The following ILRUN variants were observed in gnomAD, a reference collection of about 807,000 sequenced individuals.
ILRUN encodes the protein protein ILRUN.
In ILRUN, 3 loss-of-function variants were observed where a neutral mutation model predicts 33.8. That is an observed-to-expected ratio of 0.09 (90% CI 0.04 to 0.23). ILRUN has a LOEUF of 0.23. Ranked by LOEUF, ILRUN falls within the 10% of genes least tolerant of loss-of-function variation. The pLI, the probability that ILRUN is intolerant of heterozygous loss-of-function variation, is 1.00. For synonymous variants in ILRUN, 124 were observed against 138.9 expected, an observed-to-expected ratio of 0.89 and a Z score of 0.75; for missense variants, 210 against 375.1, an observed-to-expected ratio of 0.56 and a Z score of 3.64.
At position 34,696,696 on chromosome 6, in the gene ILRUN, C is replaced by A; in HGVS notation, c.-93G>T. ...GGACCTGGAGGGGGGCCGCTGCTAG[C>A]TAGCTTCGCGACCCCGCTCCTTTGA... is the stretch of plus-strand genomic sequence containing the variant. On this transcript the variant is annotated 5_prime_UTR_variant, in exon 1 of 5. Coordinates refer to ENST00000374023, the MANE Select transcript of ILRUN (RefSeq NM_024294.4). 2 of 1,414,816 alleles carry A rather than the reference C, an allele frequency of 1.4e-6. No homozygotes were observed. The highest frequency in any genetic ancestry group is 1.9e-6 in the Non-Finnish European group (2 of 1,044,816). The allele number at this position is 1,414,816 out of a possible 1,614,324, so 87.6% of individuals were successfully genotyped here. A position where few individuals can be genotyped will look rare whatever the true frequency, so the allele number is the denominator to read the frequency against.
chr6:34,596,483 T>C (rs1360548633), intron 4 of ILRUN, among the ~76,000 whole-genome samples: 1 of 152,144 alleles, frequency 6.6e-6, no homozygotes, highest in Non-Finnish European at 1.5e-5. Context: ...CAGGTAGTTT[T>C]TGTATTTTTA....
intron 3 of ILRUN, among the ~76,000 whole-genome samples, chr6:34,635,105 G>GCC (rs1762331000): frequency 6.6e-6 from 1 of 152,082 alleles, no homozygotes; most frequent in Non-Finnish European, 1.5e-5. Flanking sequence ...AATCACTTCT[G>GCC]ATTTCTAAAT....
At position 34,654,749 on chromosome 6, in the gene ILRUN, A is replaced by G. The variant is rs768253995; in HGVS notation, c.189T>C (p.Tyr63=). The G allele has an allele frequency of 4.3e-6, 7 of 1,613,872 alleles. No homozygotes were observed. The highest frequency in any genetic ancestry group is 1.6e-4 in the Middle Eastern group (1 of 6,062). The change falls in exon 2 of 5, where the codon TAT becomes TAC. Residue 63 remains tyrosine (Y), a synonymous_variant. Coordinates refer to ENST00000374023, the MANE Select transcript of ILRUN (RefSeq NM_024294.4). ...WNLQAAIGAY[Y]DFESPNISVP... is the part of the protein sequence containing the mutation. ...CACTGATGTTTGGGCTCTCAAAGTC[A>G]TAATAGGCGCCAATTGCTGCTTGTA...
chr6:34,679,869 C>G (rs1763323328), intron 1 of ILRUN, among the ~76,000 whole-genome samples: 1 of 152,218 alleles, frequency 6.6e-6, no homozygotes. Context: ...GATACAGCTA[C>G]AAGCCAAGGA....
At chr6:34,593,876 C>T (rs1761343257) in intron 4 of ILRUN, among the ~76,000 whole-genome samples, 2 of 152,090 alleles carry the variant, frequency 1.3e-5, no homozygotes, top group African/African-American at 4.8e-5. Flanking sequence ...AGAGGAAAAG[C>T]CTGGCAGAGA....
chr6:34,620,731 A>T (rs531617934), intron 3 of ILRUN, among the ~76,000 whole-genome samples: 5 of 152,302 alleles, frequency 3.3e-5, no homozygotes, highest in African/African-American at 1.2e-4. Context: ...CAGGAGGCTG[A>T]GGTGGGAGGA....
rs930157028 is a variant in ILRUN, at chr6:34,588,564, A to C, written c.*2001T>G. 1 of 224,238 alleles carries C rather than the reference A, an allele frequency of 4.5e-6. No homozygotes were observed. The highest frequency in any genetic ancestry group is 8.7e-6 in the Non-Finnish European group (1 of 115,348). The allele number at this position is 224,238 out of a possible 1,614,324, so 13.9% of individuals were successfully genotyped here. ...GCAGTCTGGGCCTAATGAGGCCCTC[A>C]GACAAAAAGCCATCCTGAGGCCTGT... is the stretch of plus-strand genomic sequence containing the variant. On this transcript the variant is annotated 3_prime_UTR_variant, in exon 5 of 5. Transcript: ENST00000374023.
At chr6:34,612,670 G>C (rs1385258863) in intron 3 of ILRUN, among the ~76,000 whole-genome samples, 1 of 152,112 alleles carries the variant, frequency 6.6e-6, no homozygotes, top group Non-Finnish European at 1.5e-5. Flanking sequence ...ACTTTGGGAG[G>C]CCAAAGCAGG....
chr6:34,624,770 G>A (rs549084712), intron 3 of ILRUN, among the ~76,000 whole-genome samples: 1 of 152,088 alleles, frequency 6.6e-6, no homozygotes, highest in Non-Finnish European at 1.5e-5. Context: ...TAAGATATAC[G>A]CCTCATTGGT....
intron 4 of ILRUN, among the ~76,000 whole-genome samples, chr6:34,594,644 C>A (rs771544686): frequency 6.6e-6 from 1 of 152,138 alleles, no homozygotes; most frequent in Non-Finnish European, 1.5e-5. Flanking sequence ...TAGGTATGAG[C>A]GTGGGGACCT....
chr6:34,621,984 C>A (rs1174327516), intron 3 of ILRUN, among the ~76,000 whole-genome samples: 2 of 152,160 alleles, frequency 1.3e-5, no homozygotes, highest in African/African-American at 4.8e-5. Context: ...GGTGCCAAAA[C>A]AATTCAATGG....
At chr6:34,659,674 TGC>T in intron 1 of ILRUN, among the ~76,000 whole-genome samples, 1 of 136,328 alleles carries the variant, frequency 7.3e-6, no homozygotes, top group South Asian at 2.3e-4. Flanking sequence ...CAGGCTGGAG[TGC>T]AGTGGTGCTA....
At chr6:34,671,021 A>G (rs1763107514) in intron 1 of ILRUN, among the ~76,000 whole-genome samples, 1 of 152,208 alleles carries the variant, frequency 6.6e-6, no homozygotes, top group African/African-American at 2.4e-5. Flanking sequence ...CTTTCATCCA[A>G]GGATTTGATT....
intron 1 of ILRUN, among the ~76,000 whole-genome samples, chr6:34,690,747 A>G (rs1244273169): frequency 6.6e-6 from 1 of 150,942 alleles, no homozygotes; most frequent in African/African-American, 2.4e-5. Flanking sequence ...AAGGAGGACA[A>G]ACACAAACGA....
intron 3 of ILRUN, among the ~76,000 whole-genome samples, chr6:34,618,712 C>T (rs756826474): frequency 4.6e-5 from 7 of 152,144 alleles, no homozygotes; most frequent in Non-Finnish European, 8.8e-5. Flanking sequence ...CCCCTCATTC[C>T]AGCTCATAGA....
At chr6:34,687,380 C>T (rs983108077) in intron 1 of ILRUN, among the ~76,000 whole-genome samples, 11 of 152,112 alleles carry the variant, frequency 7.2e-5, no homozygotes, top group African/African-American at 2.7e-4. Context: ...TCCATACCCA[C>T]TAAGATGGCT....
intron 1 of ILRUN, among the ~76,000 whole-genome samples, chr6:34,656,120 C>CA (rs1298034793): frequency 6.6e-6 from 1 of 151,426 alleles, no homozygotes; most frequent in African/African-American, 2.4e-5. Flanking sequence ...CCTGTAATCC[C>CA]AGCTACTCGG....
chr6:34,624,634 A>G (rs1762078510), intron 3 of ILRUN, among the ~76,000 whole-genome samples: 1 of 152,078 alleles, frequency 6.6e-6, no homozygotes, highest in South Asian at 2.1e-4. Context: ...ATGCCCAGCC[A>G]CCTAATTCAA....
intron 4 of ILRUN, among the ~76,000 whole-genome samples, chr6:34,593,567 G>C (rs1458981059): frequency 2.6e-5 from 4 of 152,166 alleles, no homozygotes; most frequent in Admixed American, 1.3e-4. Context: ...TTTAGATTAT[G>C]GTTATTGTTG....
Sources: allele counts gnomAD v4.1 joint callset (sites outside exome capture counted in the v4.1 genomes callset), GRCh38; gene constraint gnomAD v4.1.1; transcripts MANE v1.5; gene names NCBI Gene and HGNC (gene_info 2026-07-23, HGNC 2026-07-21).